Variants in TMC6 observed in about 807,000 individuals in gnomAD.
The protein encoded by TMC6 is transmembrane channel-like protein 6.
A neutral mutation model predicts 95.4 loss-of-function variants in TMC6; 71 were observed. The observed-to-expected ratio is 0.74, with a 90% CI of 0.61 to 0.91. The LOEUF is 0.91. TMC6 is among the 40% of genes least tolerant of loss of function. TMC6 has a pLI of 0.00. For synonymous variants in TMC6, 514 were observed against 483.1 expected (o/e 1.06, Z -0.84); for missense variants, 1,074 against 1,079.1 (o/e 1.00, Z 0.07).
At chr17:78,116,225 C>T (rs971862290) in intron 18 of TMC6, among the ~76,000 whole-genome samples, 3 of 151,668 alleles carry the variant, frequency 2.0e-5, no homozygotes, top group African/African-American at 4.9e-5. Context: ...GATCTGCTCA[C>T]CTCGGCCTCC....
At chr17:78,123,880 T>C (rs2074557566) in intron 9 of TMC6, 109 bp downstream of exon 9, 17 of 1,422,892 alleles carry the variant, frequency 1.2e-5, no homozygotes, top group East Asian at 2.4e-5. Context: ...AGCAGACAGG[T>C]AGATGGACAG....
rs1197037763 is a variant in TMC6, at chr17:78,113,768, G to A, written c.2278-144C>T. ...AAAAACATAAAAGAAAAGGTGAAAG[G>A]GCCACCAAACAAGGACAAGGAAAAA... On this transcript the variant is annotated intron_variant, in intron 18 of 19. Transcript: ENST00000590602. 6.2e-5 allele frequency: 52 copies of A among 838,020 alleles called. 1 individual carries two copies. Among genetic ancestry groups the A allele is most frequent in the Non-Finnish European group, 5.9e-6 (3 of 507,828 alleles). The allele number at this position is 838,020 out of a possible 1,614,324, so 51.9% of individuals were successfully genotyped here.
rs1273384837 is a variant in TMC6, at chr17:78,111,889, G to A, written c.*1259C>T. 7.4e-5 allele frequency: 17 copies of A among 229,362 alleles called. No homozygotes were observed. Among genetic ancestry groups the A allele is most frequent in the Admixed American group, 3.0e-4 (5 of 16,762 alleles). The allele number at this position is 229,362 out of a possible 1,614,324, so 14.2% of individuals were successfully genotyped here. On this transcript the variant is annotated 3_prime_UTR_variant, in exon 20 of 20. Coordinates refer to ENST00000590602, the MANE Select transcript of TMC6 (RefSeq NM_001127198.5). ...GGTCCCCACAAGCCTGGAACCCTGC[G>A]CCGTGACGGGCTGGTCCCCACAGAC...
chr17:78,116,276 C>CTTTT (rs34774395), intron 18 of TMC6, among the ~76,000 whole-genome samples: 6 of 125,458 alleles, frequency 4.8e-5, no homozygotes, highest in South Asian at 2.7e-4. Flanking sequence ...CATGCCCAGG[C>CTTTT]TTTTTTTTTT....
Position 78,121,030 on chromosome 17 carries a change from C to T in TMC6, c.1518G>A (p.Val506=). 1 of 1,613,384 alleles carries T rather than the reference C, an allele frequency of 6.2e-7. No homozygotes were observed. ...LEPHDSPVLE[V]YVAICRNLIL... is the part of the protein sequence containing the mutation. The stretch of plus-strand genomic sequence containing the variant: ...CCACACACCTGCAGATGGCCACGTA[C>T]ACCTCCAGTACCGGGGAGTCATGCG... Residue 506 remains valine, a synonymous_variant, in exon 12 of 20, where the codon GTG becomes GTA. Coordinates refer to ENST00000590602, the MANE Select transcript of TMC6 (RefSeq NM_001127198.5). This position sits in a 1 kb window ranked among gnomAD's most constrained non-coding sequence, Gnocchi z 5.6.
At chr17:78,119,413 T>A in intron 13 of TMC6, 21 bp from the exon 14 acceptor site, 1 of 1,613,100 alleles carries the variant, frequency 6.2e-7, no homozygotes, top group Non-Finnish European at 8.5e-7. Context: ...GGACCCCGGA[T>A]CGTTAGATGG....
upstream of TMC6, among the ~76,000 whole-genome samples, chr17:78,128,947 A>G (rs556282183): frequency 6.6e-6 from 1 of 151,860 alleles, no homozygotes; most frequent in Non-Finnish European, 1.5e-5. The surrounding 1 kb of genome is among the most constrained non-coding windows in gnomAD (Gnocchi z 4.0). Flanking sequence ...GGCTGGATTC[A>G]TTCCAGCCCC....
chr17:78,121,462 G>A lies in TMC6; in HGVS notation c.1383+94C>T. On this transcript the variant is annotated intron_variant, in intron 11 of 19. Transcript: ENST00000590602. This position sits in a 1 kb window ranked among gnomAD's most constrained non-coding sequence, Gnocchi z 5.6. ...TGGCACCCTGGGCTGGCTGGGTGGA[G>A]GAGGAGAGGCAAGGCTGCCTCCCCA... 6.3e-7 allele frequency: 1 copy of A among 1,578,968 alleles called. No individual in the cohort carries two copies. Among genetic ancestry groups the A allele is most frequent in the Non-Finnish European group, 8.6e-7 (1 of 1,162,146 alleles).
In TMC6 at chr17:78,125,834, G is replaced by A. The variant is rs1177600521; in HGVS notation, c.322C>T (p.Leu108Phe). Residue 108 changes from leucine (L) to phenylalanine (F), a missense_variant, in exon 5 of 20, where the codon CTT becomes TTT. Transcript: ENST00000590602. The stretch of plus-strand genomic sequence containing the variant: ...AGGGGCCGGCTGCTCCTGCACCGAA[G>A]CTGCACCGTGCGGTTGTAGTACTGG... The part of the protein sequence containing the change: ...ISQYYNRTVQ[L>F]RCRSSRPLLG... 2 of 1,553,260 alleles carry A rather than the reference G, an allele frequency of 1.3e-6. No homozygotes were observed. The highest frequency in any genetic ancestry group is 1.7e-6 in the Non-Finnish European group (2 of 1,148,350).
At chr17:78,126,701 G>A (rs2074736476) in intron 2 of TMC6, 53 bp from the exon 3 acceptor site, 5 of 1,611,892 alleles carry the variant, frequency 3.1e-6, no homozygotes, top group Non-Finnish European at 4.2e-6. Context: ...TCTCCTTCCA[G>A]CAGCCCCTGC....
intron 18 of TMC6, among the ~76,000 whole-genome samples, chr17:78,115,828 G>T: frequency 3.1e-4 from 1 of 3,244 alleles, no homozygotes; most frequent in African/African-American, 1.8e-3. Flanking sequence ...TGGGCACAGG[G>T]GCGAAGGGAG....
At position 78,122,472 on chromosome 17, in the gene TMC6, G is replaced by A; in HGVS notation, c.1227+133C>T. On this transcript the variant is annotated intron_variant, in intron 10 of 19. Transcript: ENST00000590602. The surrounding 1 kb of genome is among the most constrained non-coding windows in gnomAD (Gnocchi z 4.9). ...GCAAGCAGAAGACCACGCCTGCCCAGCGCCCCGAGTTCAGCTCACGGACAG... is the reference window on the plus strand; with the variant it reads ...GCAAGCAGAAGACCACGCCTGCCCAACGCCCCGAGTTCAGCTCACGGACAG... 2.2e-6 allele frequency: 3 copies of A among 1,371,842 alleles called. No homozygotes were observed. The highest frequency in any genetic ancestry group is 3.0e-6 in the Non-Finnish European group (3 of 1,015,986). The allele number at this position is 1,371,842 out of a possible 1,614,324, so 85.0% of individuals were successfully genotyped here.
At chr17:78,129,116 GC>G (rs759690776), upstream of TMC6, among the ~76,000 whole-genome samples, 61,340 of 115,318 alleles carry the variant, frequency 0.53, 13,184 homozygotes, top group Middle Eastern at 0.67. This position sits in a 1 kb window ranked among gnomAD's most constrained non-coding sequence, Gnocchi z 4.3. Flanking sequence ...ATTGGGCAGC[GC>G]CCCCCCCCCC....
In TMC6 at chr17:78,122,036, T is replaced by G. The variant is rs564635235; in HGVS notation, c.1228-325A>C. On this transcript the variant is annotated intron_variant, in intron 10 of 19. Coordinates refer to ENST00000590602, the MANE Select transcript of TMC6 (RefSeq NM_001127198.5). The surrounding 1 kb of genome is among the most constrained non-coding windows in gnomAD (Gnocchi z 4.9). ...TGCTCAGAGGTCCTTTCCTGTTCCC[T>G]GTGGATGTGGGTGGCCCCCAGTGAC... 8.3e-4 allele frequency among the ~76,000 whole-genome samples: 127 copies of G among 152,170 alleles called. 1 individual carries two copies. Among genetic ancestry groups the G allele is most frequent in the African/African-American group, 2.3e-3 (96 of 41,516 alleles).
At position 78,113,095 on chromosome 17, in the gene TMC6, AAC is replaced by A; in HGVS notation, c.*51_*52del. 2.6e-6 allele frequency: 4 copies of A among 1,542,768 alleles called. No homozygotes were observed. The highest frequency in any genetic ancestry group is 3.4e-4 in the Middle Eastern group (2 of 5,942). On this transcript the variant is annotated 3_prime_UTR_variant, in exon 20 of 20. Transcript: ENST00000590602. ...TGTCCCAGCAGGGTCACTGGGAGGCAACAGTGTGGTCTCAGGGTGCTGGGCGG... is the reference window on the plus strand; with the variant it reads ...TGTCCCAGCAGGGTCACTGGGAGGCAAGTGTGGTCTCAGGGTGCTGGGCGG...
In TMC6 at chr17:78,124,613, C is replaced by A; in HGVS notation, c.802G>T (p.Ala268Ser). 6.2e-7 allele frequency: 1 copy of A among 1,612,410 alleles called. No homozygotes were observed. Among genetic ancestry groups the A allele is most frequent in the South Asian group, 1.1e-5 (1 of 91,030 alleles). The part of the protein sequence containing the change: ...FNALLLLLLV[A>S]FIMGPQVAFP... ...GCGACCTGAGGGCCCATGATGAAGG[C>A]CACCAGCAGCAGCAGCAGGAGGGCA... The change falls in exon 8 of 20, where the codon GCC becomes TCC. Residue 268 changes from alanine (A) to serine (S), a missense_variant. Physicochemically the swap from Ala to Ser is moderately conservative, Grantham distance 99. Coordinates refer to ENST00000590602, the MANE Select transcript of TMC6 (RefSeq NM_001127198.5).
chr17:78,118,461 CAGG>C (rs1321868634), intron 15 of TMC6, among the ~76,000 whole-genome samples: 3 of 152,146 alleles, frequency 2.0e-5, no homozygotes, highest in African/African-American at 7.2e-5. Flanking sequence ...GAGGCTGAGG[CAGG>C]AGAATGGCGT....
intron 13 of TMC6, 33 bp downstream of exon 13, chr17:78,120,620 A>G: frequency 1.9e-6 from 3 of 1,613,708 alleles, no homozygotes; most frequent in Non-Finnish European, 2.5e-6. Flanking sequence ...AGGGGAGAAC[A>G]CTCACCACCC....
rs1167679329 is a variant in TMC6, at chr17:78,109,524, A to G, written c.*3624T>C. 2.2e-6 allele frequency: 1 copy of G among 456,656 alleles called. No homozygotes were observed. The highest frequency in any genetic ancestry group is 2.0e-5 in the African/African-American group (1 of 50,186). 28.3% of individuals were successfully genotyped at this position (456,656 alleles called of 1,614,324 possible). A position where few individuals can be genotyped will look rare whatever the true frequency, so the allele number is the denominator to read the frequency against. On this transcript the variant is annotated 3_prime_UTR_variant, in exon 20 of 20. Coordinates refer to ENST00000590602, the MANE Select transcript of TMC6 (RefSeq NM_001127198.5). ...TCATGAAAACCAGAAGCAGACACTC[A>G]GGAGGCTGAGGCGGGAGGATCACCT...
Sources: allele counts gnomAD v4.1 joint callset (sites outside exome capture counted in the v4.1 genomes callset), GRCh38; gene constraint gnomAD v4.1.1; non-coding constraint Gnocchi (gnomAD v3.1); transcripts MANE v1.5; gene names NCBI Gene and HGNC (gene_info 2026-07-23, HGNC 2026-07-21).